HPCAL1: variants seen among roughly 807,000 people sequenced by gnomAD.
The protein encoded by HPCAL1 is hippocalcin like 1, also known as hippocalcin-like protein 1.
In HPCAL1, 8 loss-of-function variants were observed where a neutral mutation model predicts 17.1. The ratio of observed to expected loss-of-function variants is 0.47; its 90% confidence interval spans 0.27 to 0.84. The LOEUF is 0.84. Among genes scored for constraint, HPCAL1 ranks in the 40% least tolerant of loss-of-function variants. HPCAL1 has a pLI of 0.13. For missense variants in HPCAL1, 165 were observed against 271.1 expected (o/e 0.61, Z 2.75); for synonymous variants, 112 against 111.4 (o/e 1.01, Z -0.03).
chr2:10,406,976 C>A (rs1479453778), intron 2 of HPCAL1, among the ~76,000 whole-genome samples: 1 of 152,102 alleles, frequency 6.6e-6, no homozygotes, highest in Non-Finnish European at 1.5e-5. Flanking sequence ...TGGGAGGCAG[C>A]TCAAAGAGCT....
At chr2:10,376,907 T>A (rs192550862) in intron 1 of HPCAL1, among the ~76,000 whole-genome samples, 1 of 139,124 alleles carries the variant, frequency 7.2e-6, no homozygotes, top group South Asian at 2.5e-4. Context: ...CATAGCGTAT[T>A]GTATTGTGTG....
In HPCAL1 at chr2:10,311,242, G is replaced by A. The variant is rs147369335; in HGVS notation, c.-111+8065G>A. 2.9e-3 allele frequency among the ~76,000 whole-genome samples: 437 copies of A among 152,260 alleles called. 3 individuals carry two copies. Among genetic ancestry groups the A allele is most frequent in the African/African-American group, 0.01 (417 of 41,550 alleles). On this transcript the variant is annotated intron_variant, in intron 1 of 4. Transcript: ENST00000307845. ...CATGCAGTTTGGAGCCCGTGCTGGT[G>A]ATGCAGCCTGGATGCCTGGCAGGGG...
In HPCAL1 at chr2:10,382,893, G is replaced by A. The variant is rs114727298; in HGVS notation, c.-110-13942G>A. ...ACAGGGCACTCAGCCCTTTTCCTGA[G>A]CACTTGAAGCTGCGTTTCCTCGAGC... is the stretch of plus-strand genomic sequence containing the variant. On this transcript the variant is annotated intron_variant, in intron 1 of 4. Coordinates refer to ENST00000307845, the MANE Select transcript of HPCAL1 (RefSeq NM_002149.4). Among the ~76,000 whole-genome samples, 1,327 of 152,344 alleles carry A rather than the reference G, an allele frequency of 8.7e-3. 8 individuals are homozygous for A. The highest frequency in any genetic ancestry group is 0.014 in the Non-Finnish European group (954 of 68,044).
At chr2:10,321,172 T>G (rs914513872) in intron 1 of HPCAL1, among the ~76,000 whole-genome samples, 1 of 152,066 alleles carries the variant, frequency 6.6e-6, no homozygotes, top group Non-Finnish European at 1.5e-5. Flanking sequence ...AGCAGGCACG[T>G]CACATGGAGA....
intron 2 of HPCAL1, among the ~76,000 whole-genome samples, chr2:10,405,894 G>T (rs1386901241): frequency 6.6e-6 from 1 of 152,238 alleles, no homozygotes; most frequent in Non-Finnish European, 1.5e-5. Context: ...TCAGCTTGCA[G>T]TATGCGCCAA....
At chr2:10,411,438 C>T (rs75968717) in intron 2 of HPCAL1, among the ~76,000 whole-genome samples, 1 of 152,202 alleles carries the variant, frequency 6.6e-6, no homozygotes, top group Non-Finnish European at 1.5e-5. Flanking sequence ...TCACTGTGTC[C>T]TCCCCTGGAT....
rs920061462 is a variant in HPCAL1, at chr2:10,384,655, C to G, written c.-110-12180C>G. Among the ~76,000 whole-genome samples, 3 of 152,002 alleles carry G rather than the reference C, an allele frequency of 2.0e-5. No homozygotes were observed. The highest frequency in any genetic ancestry group is 4.4e-5 in the Non-Finnish European group (3 of 67,992). On this transcript the variant is annotated intron_variant, in intron 1 of 4. Transcript: ENST00000307845. The surrounding 1 kb of genome is among the most constrained non-coding windows in gnomAD (Gnocchi z 4.4). Reference sequence around the variant, plus strand: ...TTCAGGGGCTTCCCTAGGGAGGGACCCTGAGCTGGGGTCTGAAGGAAGAGC... The same window carrying G: ...TTCAGGGGCTTCCCTAGGGAGGGACGCTGAGCTGGGGTCTGAAGGAAGAGC...
chr2:10,355,491 C>T (rs1036342681), intron 1 of HPCAL1, among the ~76,000 whole-genome samples: 5 of 120,480 alleles, frequency 4.2e-5, no homozygotes, highest in South Asian at 2.8e-4. Context: ...AAGAGTTTAA[C>T]GGGACAGCCA....
chr2:10,316,022 C>T (rs920123714), intron 1 of HPCAL1, among the ~76,000 whole-genome samples: 7 of 152,138 alleles, frequency 4.6e-5, no homozygotes, highest in African/African-American at 1.7e-4. Flanking sequence ...AAAACAACAT[C>T]CAGAGTCTTC....
At chr2:10,340,395 T>TGATA (rs1047002583) in intron 1 of HPCAL1, among the ~76,000 whole-genome samples, 67 of 152,368 alleles carry the variant, frequency 4.4e-4, no homozygotes, top group Admixed American at 1.2e-3. Flanking sequence ...GCCACTATCT[T>TGATA]GATAAACATG....
intron 1 of HPCAL1, among the ~76,000 whole-genome samples, chr2:10,387,255 G>A (rs998632413): frequency 1.3e-5 from 2 of 152,238 alleles, no homozygotes; most frequent in South Asian, 2.1e-4. Context: ...CCAGCCTCAC[G>A]GCCTCCTCAG....
intron 2 of HPCAL1, among the ~76,000 whole-genome samples, chr2:10,410,934 G>A (rs889039625): frequency 2.1e-4 from 31 of 149,724 alleles, no homozygotes; most frequent in Admixed American, 7.3e-4. Context: ...CATTCCCCCC[G>A]CCCCCCGTTT....
At chr2:10,368,217 G>A (rs769671928) in intron 1 of HPCAL1, among the ~76,000 whole-genome samples, 1 of 150,680 alleles carries the variant, frequency 6.6e-6, no homozygotes, top group African/African-American at 2.5e-5. Context: ...GTAGGGGTGT[G>A]CGTGTGTACA....
chr2:10,320,377 A>T (rs1011019819), intron 1 of HPCAL1, among the ~76,000 whole-genome samples: 2 of 152,054 alleles, frequency 1.3e-5, no homozygotes, highest in South Asian at 2.1e-4. Flanking sequence ...TGTTCTCATG[A>T]TAGTGAGTGA....
chr2:10,399,420 A>G (rs903934596), intron 2 of HPCAL1, among the ~76,000 whole-genome samples: 1 of 97,222 alleles, frequency 1.0e-5, no homozygotes, highest in Non-Finnish European at 2.0e-5. Flanking sequence ...CACCACCACC[A>G]CCATCACCAC....
chr2:10,339,493 C>T lies in HPCAL1; in HGVS notation c.-111+36316C>T, dbSNP rs144433322. Among the ~76,000 whole-genome samples, 66 of 152,152 alleles carry T rather than the reference C, an allele frequency of 4.3e-4. No homozygotes were observed. In the East Asian group the frequency reaches 8.7e-3, roughly 20 times the overall value. ...CTAATTTTTGTATTTTTAGTAGAGA[C>T]GGGATTTCATGCCTGATTAATTTTT... On this transcript the variant is annotated intron_variant, in intron 1 of 4. Transcript: ENST00000307845.
At position 10,377,036 on chromosome 2, in the gene HPCAL1, A is replaced by G. The variant is rs765439950; in HGVS notation, c.-110-19799A>G. On this transcript the variant is annotated intron_variant, in intron 1 of 4. Coordinates refer to ENST00000307845, the MANE Select transcript of HPCAL1 (RefSeq NM_002149.4). The surrounding 1 kb of genome is among the most constrained non-coding windows in gnomAD (Gnocchi z 5.9). The stretch of plus-strand genomic sequence containing the variant: ...TAGTACAATACATGTATGTAATACA[A>G]TACATACTGTATTGTATTAATCAGA... 2.0e-5 allele frequency among the ~76,000 whole-genome samples: 3 copies of G among 151,892 alleles called. No individual in the cohort carries two copies. The highest frequency in any genetic ancestry group is 2.1e-4 in the South Asian group (1 of 4,820).
intron 1 of HPCAL1, among the ~76,000 whole-genome samples, chr2:10,320,149 C>A (rs1375490132): frequency 2.0e-5 from 3 of 152,154 alleles, no homozygotes; most frequent in African/African-American, 7.2e-5. Context: ...GATGCCTGAG[C>A]TCCTGTGGCC....
At chr2:10,334,322 G>GTTT (rs113817096) in intron 1 of HPCAL1, among the ~76,000 whole-genome samples, 38 of 150,174 alleles carry the variant, frequency 2.5e-4, no homozygotes, top group Admixed American at 1.7e-3. Flanking sequence ...GTTTTGTTTT[G>GTTT]TTTTGTTTTT....
Sources: gnomAD v4.1 joint callset for allele counts (sites outside exome capture counted in the v4.1 genomes callset) on GRCh38, gnomAD v4.1.1 for gene constraint, Gnocchi (gnomAD v3.1) non-coding constraint, MANE v1.5 for transcripts, NCBI Gene and HGNC (gene_info 2026-07-23, HGNC 2026-07-21) for gene names.